The following CLASRP variants were observed in gnomAD, a reference collection of about 807,000 sequenced individuals.
CLASRP encodes the protein CLK4-associating serine/arginine rich protein.
A neutral mutation model predicts 99.9 loss-of-function variants in CLASRP; 52 were observed. That is an observed-to-expected ratio of 0.52 (90% CI 0.42 to 0.66). CLASRP has a LOEUF of 0.66. Among genes scored for constraint, CLASRP ranks in the 30% least tolerant of loss-of-function variants. The probability of loss-of-function intolerance (pLI) is 0.00; values close to 1 mark genes in which losing one functional copy is unlikely to be tolerated. For synonymous variants in CLASRP, 379 were observed against 373.0 expected, an observed-to-expected ratio of 1.02 and a Z score of -0.18; for missense variants, 848 against 999.2, an observed-to-expected ratio of 0.85 and a Z score of 2.04.
intron 5 of CLASRP, 70 bp from the exon 6 acceptor site, chr19:45,056,380 C>T (rs960319256): frequency 1.4e-6 from 2 of 1,410,068 alleles, no homozygotes; most frequent in Non-Finnish European, 2.0e-6. Context: ...CCCACCGCAC[C>T]CTTGTGTTCC....
rs934935281 is a variant in CLASRP at position 45,060,280 on chromosome 19, C to T, written c.711-109C>T. 4.4e-6 allele frequency: 4 copies of T among 900,822 alleles called. No homozygotes were observed. Among genetic ancestry groups the T allele is most frequent in the East Asian group, 2.5e-5 (1 of 39,716 alleles). The allele number at this position is 900,822 out of a possible 1,614,324, so 55.8% of individuals were successfully genotyped here. The stretch of plus-strand genomic sequence containing the variant: ...GGCATTGAATGAAAGATACCTCAGG[C>T]TGGCGTGGGGTGACTCAGGTCCCTC... On this transcript the variant is annotated intron_variant, in intron 8 of 20. Transcript: ENST00000221455. This position sits in a 1 kb window ranked among gnomAD's most constrained non-coding sequence, Gnocchi z 4.6.
Position 45,064,777 on chromosome 19 carries a change from G to T in CLASRP, c.1409+147G>T, listed in dbSNP as rs1034511667. On this transcript the variant is annotated intron_variant, in intron 13 of 20. Transcript: ENST00000221455. ...GACAGGCACAGGCCACTGCTCTTCC[G>T]CAGGAAGCCCTTGGTTGGAAAGGGC... 1.9e-5 allele frequency: 26 copies of T among 1,400,072 alleles called. No individual in the cohort carries two copies. In the African/African-American group the frequency reaches 3.6e-4, roughly 20 times the overall value. The allele number at this position is 1,400,072 out of a possible 1,614,324, so 86.7% of individuals were successfully genotyped here.
At chr19:45,043,496 T>C (rs1176287624) in intron 2 of CLASRP, among the ~76,000 whole-genome samples, 1 of 152,096 alleles carries the variant, frequency 6.6e-6, no homozygotes, top group African/African-American at 2.4e-5. Flanking sequence ...CTAATTATAT[T>C]TGGGTCACGT....
At chr19:45,057,218 C>G (rs983087916) in intron 6 of CLASRP, among the ~76,000 whole-genome samples, 11 of 152,314 alleles carry the variant, frequency 7.2e-5, no homozygotes, top group East Asian at 1.9e-4. Flanking sequence ...AGCCCTGGCT[C>G]GGGGCTGGGC....
rs1471629588 is a variant in CLASRP, at chr19:45,067,523, C to T, written c.1596C>T (p.Pro532=). The change falls in exon 14 of 21, where the codon CCC becomes CCT. Residue 532 remains proline, a synonymous_variant. Coordinates refer to ENST00000221455, the MANE Select transcript of CLASRP (RefSeq NM_007056.3). This position sits in a 1 kb window ranked among gnomAD's most constrained non-coding sequence, Gnocchi z 4.9. Reference sequence around the variant, plus strand: ...GCAGCCGCAGCCGCAGCCAGAGCCCCTCGCCATCACCCGCAAGAGAGAAGC... The same window carrying T: ...GCAGCCGCAGCCGCAGCCAGAGCCCTTCGCCATCACCCGCAAGAGAGAAGC... ...RSRSRSRSQS[P]SPSPAREKLT... is the part of the protein sequence containing the mutation. 1.9e-6 allele frequency: 3 copies of T among 1,600,918 alleles called. No homozygotes were observed. Among genetic ancestry groups the T allele is most frequent in the Non-Finnish European group, 2.5e-6 (3 of 1,177,352 alleles).
chr19:45,047,737 T>A (rs1971948649), intron 2 of CLASRP, among the ~76,000 whole-genome samples: 1 of 152,218 alleles, frequency 6.6e-6, no homozygotes, highest in Non-Finnish European at 1.5e-5. Context: ...TTACTACTAC[T>A]GTACTGTACA....
At chr19:45,068,328 C>T in intron 15 of CLASRP, 92 bp from the exon 16 acceptor site, 2 of 647,258 alleles carry the variant, frequency 3.1e-6, no homozygotes, top group South Asian at 1.8e-5. Context: ...CCCACCCCCC[C>T]CCCGCACAAA....
rs965044792 is a variant in CLASRP, at chr19:45,044,357, T to G, written c.99+4046T>G. On this transcript the variant is annotated intron_variant, in intron 2 of 20. Coordinates refer to ENST00000221455, the MANE Select transcript of CLASRP (RefSeq NM_007056.3). Reference sequence around the variant, plus strand: ...CTGTGGTAACCACTGTGCTAACTACTTGGCTTGTGTCTCCGCTTCATCAAA... The same window carrying G: ...CTGTGGTAACCACTGTGCTAACTACGTGGCTTGTGTCTCCGCTTCATCAAA... 1.5e-4 allele frequency among the ~76,000 whole-genome samples: 23 copies of G among 152,240 alleles called. 1 individual carries two copies. Among genetic ancestry groups the G allele is most frequent in the African/African-American group, 5.5e-4 (23 of 41,452 alleles).
Position 45,064,552 on chromosome 19 carries a change from G to A in CLASRP, c.1331G>A (p.Gly444Asp), listed in dbSNP as rs1250367061. 11 of 1,539,006 alleles carry A rather than the reference G, an allele frequency of 7.1e-6. No individual in the cohort carries two copies. In the African/African-American group the frequency reaches 1.4e-4, roughly 19 times the overall value. Residue 444 changes from glycine to aspartate, a missense_variant, in exon 13 of 21, where the codon GGT (glycine) becomes GAT (aspartate). Physicochemically the swap from Gly to Asp is moderately conservative, Grantham distance 94. Around this residue, in one of 8 missense-constraint regions of CLASRP, gnomAD observed 489 missense variants for 434.7 expected, o/e 1.12. Coordinates refer to ENST00000221455, the MANE Select transcript of CLASRP (RefSeq NM_007056.3). ...CGTAGCCGTGGCCGGCGGCACTCAG[G>A]TGGGGGCTCCCGAGACGGACACCGG... ...RSRSRGRRHS[G>D]GGSRDGHRYS...
At chr19:45,048,831 C>G (rs751201395) in intron 2 of CLASRP, among the ~76,000 whole-genome samples, 3 of 151,908 alleles carry the variant, frequency 2.0e-5, no homozygotes, top group Non-Finnish European at 4.4e-5. Flanking sequence ...ACTAAAAATA[C>G]CAAAATTAGC....
chr19:45,054,394 C>T (rs1204362908), intron 5 of CLASRP, among the ~76,000 whole-genome samples: 2 of 152,202 alleles, frequency 1.3e-5, no homozygotes, highest in East Asian at 3.9e-4. Flanking sequence ...GGATTACCGG[C>T]GCATGCCACC....
intron 13 of CLASRP, among the ~76,000 whole-genome samples, chr19:45,065,434 G>A (rs1314123117): frequency 9.2e-5 from 14 of 151,420 alleles, no homozygotes; most frequent in Non-Finnish European, 2.1e-4. Flanking sequence ...GGTGGCACGC[G>A]CATGTAGTCC....
intron 13 of CLASRP, 74 bp downstream of exon 13, chr19:45,064,704 G>A (rs1967042830): frequency 2.7e-6 from 4 of 1,466,632 alleles, no homozygotes; most frequent in South Asian, 2.7e-5. Flanking sequence ...AAGGTGCTCA[G>A]AGGGAGGAAA....
Position 45,067,717 on chromosome 19 carries a change from C to A in CLASRP, c.1667+123C>A. 1 of 950,376 alleles carries A rather than the reference C, an allele frequency of 1.1e-6. No homozygotes were observed. The allele number at this position is 950,376 out of a possible 1,614,324, so 58.9% of individuals were successfully genotyped here. ...GGAGGTCTGGGGGGTGGTGTATGGC[C>A]CTGGCCTGGGAGGGTGGATTTCAGG... On this transcript the variant is annotated intron_variant, in intron 14 of 20. Transcript: ENST00000221455. The surrounding 1 kb of genome is among the most constrained non-coding windows in gnomAD (Gnocchi z 4.9).
rs531331635 is a variant in CLASRP, at chr19:45,042,722, C to T, written c.99+2411C>T. 1.4e-3 allele frequency among the ~76,000 whole-genome samples: 216 copies of T among 151,948 alleles called. 1 individual carries two copies. The South Asian group carries it at 0.025, about 18-fold the overall frequency. ...CCACCCCCCAGGTTCAAGCTATTCT[C>T]CTGCCTCACTCAACCTCCTGAGTAG... is the stretch of plus-strand genomic sequence containing the variant. On this transcript the variant is annotated intron_variant, in intron 2 of 20. Coordinates refer to ENST00000221455, the MANE Select transcript of CLASRP (RefSeq NM_007056.3).
intron 2 of CLASRP, among the ~76,000 whole-genome samples, chr19:45,043,797 G>C (rs1438008651): frequency 1.3e-5 from 2 of 152,130 alleles, no homozygotes; most frequent in African/African-American, 4.8e-5. Flanking sequence ...AGAAAGATGT[G>C]ATCATCAAGG....
intron 2 of CLASRP, among the ~76,000 whole-genome samples, chr19:45,049,519 G>T (rs934471902): frequency 2.6e-5 from 4 of 152,218 alleles, no homozygotes; most frequent in Non-Finnish European, 5.9e-5. Flanking sequence ...CATAGTGAGT[G>T]CGGGGTTGAA....
chr19:45,066,892 A>T (rs1406433123), intron 13 of CLASRP, among the ~76,000 whole-genome samples: 2 of 152,094 alleles, frequency 1.3e-5, no homozygotes, highest in Non-Finnish European at 2.9e-5. Flanking sequence ...GGTGGAGGAC[A>T]AGGGGTGGTC....
chr19:45,062,698 C>T (rs1313612555), intron 11 of CLASRP, among the ~76,000 whole-genome samples: 1 of 152,164 alleles, frequency 6.6e-6, no homozygotes, highest in African/African-American at 2.4e-5. Context: ...TTTTCTTTAT[C>T]TTTGAAGCTT....
Sources: gnomAD v4.1 joint callset for allele counts (sites outside exome capture counted in the v4.1 genomes callset) on GRCh38, gnomAD v4.1.1 for gene constraint, gnomAD v4.1.1 regional missense constraint, Gnocchi (gnomAD v3.1) non-coding constraint, MANE v1.5 for transcripts, NCBI Gene and HGNC (gene_info 2026-07-23, HGNC 2026-07-21) for gene names.